The following BRD4 variants were observed in gnomAD, a reference collection of about 807,000 sequenced individuals.
The protein encoded by BRD4 is bromodomain containing 4.
A neutral mutation model predicts 142.1 loss-of-function variants in BRD4; 16 were observed. That is an observed-to-expected ratio of 0.11 (90% CI 0.08 to 0.17). The LOEUF (loss-of-function observed/expected upper bound fraction) is 0.17. BRD4 is among the 10% of genes least tolerant of loss of function. The probability of loss-of-function intolerance (pLI) is 1.00; values close to 1 mark genes in which losing one functional copy is unlikely to be tolerated. For synonymous variants in BRD4, 833 were observed against 707.5 expected (o/e 1.18, Z -2.82); for missense variants, 1,424 against 1,810.9 (o/e 0.79, Z 3.88).
chr19:15,251,584 T>C (rs761687438), intron 11 of BRD4, among the ~76,000 whole-genome samples: 1 of 151,992 alleles, frequency 6.6e-6, no homozygotes, highest in African/African-American at 2.4e-5. Flanking sequence ...GCTGCCGGGA[T>C]TCCTGGACCC....
At chr19:15,295,874 G>A (rs992655686) in intron 1 of BRD4, among the ~76,000 whole-genome samples, 1 of 152,234 alleles carries the variant, frequency 6.6e-6, no homozygotes, top group Non-Finnish European at 1.5e-5. Flanking sequence ...GGAAGACTGA[G>A]GCAGGAGAAC....
chr19:15,308,684 A>C (rs940227708), intron 1 of BRD4, among the ~76,000 whole-genome samples: 9 of 151,998 alleles, frequency 5.9e-5, no homozygotes, highest in African/African-American at 2.2e-4. Context: ...TAAATTTTTA[A>C]AAAGGGGGCA....
At chr19:15,300,818 C>A (rs1171854221) in intron 1 of BRD4, among the ~76,000 whole-genome samples, 3 of 152,164 alleles carry the variant, frequency 2.0e-5, no homozygotes, top group Admixed American at 1.3e-4. Flanking sequence ...CTAAAACTCT[C>A]ATCCACTGCT....
intron 1 of BRD4, among the ~76,000 whole-genome samples, chr19:15,316,013 G>A (rs1366369221): frequency 5.9e-5 from 9 of 151,484 alleles, no homozygotes; most frequent in East Asian, 3.9e-4. Context: ...AAAATTAGCC[G>A]GGCGTAGTGG....
At chr19:15,306,838 A>T (rs2047918292) in intron 1 of BRD4, among the ~76,000 whole-genome samples, 1 of 152,152 alleles carries the variant, frequency 6.6e-6, no homozygotes, top group Admixed American at 6.5e-5. Context: ...AAAATCACTG[A>T]TCACGAATCA....
intron 1 of BRD4, among the ~76,000 whole-genome samples, chr19:15,290,683 A>G (rs1226391805): frequency 2.6e-5 from 4 of 152,244 alleles, no homozygotes; most frequent in African/African-American, 9.6e-5. Context: ...TCTGCCTCAG[A>G]TGGTAAAGCT....
intron 1 of BRD4, among the ~76,000 whole-genome samples, chr19:15,302,032 T>C (rs1344801149): frequency 6.6e-6 from 1 of 151,736 alleles, no homozygotes; most frequent in African/African-American, 2.4e-5. Flanking sequence ...CTGGACATGG[T>C]GGCGCAGGCC....
chr19:15,261,087 CCT>C (rs537155925), intron 7 of BRD4, among the ~76,000 whole-genome samples: 4 of 152,338 alleles, frequency 2.6e-5, no homozygotes, highest in South Asian at 4.1e-4. Context: ...AAGCTGCGCC[CCT>C]GTCTTCTCAA....
intron 3 of BRD4, 138 bp downstream of exon 3, chr19:15,268,767 C>T (rs1393366512): frequency 2.1e-5 from 19 of 910,878 alleles, no homozygotes; most frequent in Non-Finnish European, 2.9e-5. Context: ...ATTACCTCTA[C>T]CTCCAAGGGT....
chr19:15,280,314 G>A (rs533279708), intron 1 of BRD4: 11 of 1,012,072 alleles, frequency 1.1e-5, no homozygotes, highest in Admixed American at 1.2e-4. Context: ...CATCCTACAC[G>A]GGTCTTTGGC....
At position 15,236,102 on chromosome 19, in the gene BRD4, T is replaced by G. The variant is rs1447214124; in HGVS notation, c.*2275A>C. ...CTGGCTGGATGCCTGAACCACACCC[T>G]CACAGGGAGGTTTGGCAGATCCAAA... On this transcript the variant is annotated 3_prime_UTR_variant, in exon 20 of 20. Coordinates refer to ENST00000679869, the MANE Select transcript of BRD4 (RefSeq NM_001379291.1). The G allele has an allele frequency of 1.3e-5, 2 of 152,160 alleles. No individual in the cohort carries two copies. The highest frequency in any genetic ancestry group is 2.9e-5 in the Non-Finnish European group (2 of 68,034). 9.4% of individuals were successfully genotyped at this position (152,160 alleles called of 1,614,324 possible).
At chr19:15,317,606 G>A (rs1050769826) in intron 1 of BRD4, among the ~76,000 whole-genome samples, 5 of 152,114 alleles carry the variant, frequency 3.3e-5, no homozygotes, top group Non-Finnish European at 7.3e-5. Flanking sequence ...GGGAGTGGGG[G>A]GTGGTGGGCA....
intron 1 of BRD4, among the ~76,000 whole-genome samples, chr19:15,312,060 G>T (rs1374470419): frequency 6.6e-6 from 1 of 152,192 alleles, no homozygotes; most frequent in Non-Finnish European, 1.5e-5. Context: ...TTTATGTTTT[G>T]AAACACATGC....
chr19:15,326,337 G>A (rs2048108129), intron 1 of BRD4, among the ~76,000 whole-genome samples: 1 of 151,452 alleles, frequency 6.6e-6, no homozygotes, highest in Non-Finnish European at 1.5e-5. Flanking sequence ...GGCAGCATGG[G>A]GCGCCTGTAG....
At chr19:15,325,800 A>G (rs1599533651) in intron 1 of BRD4, among the ~76,000 whole-genome samples, 2 of 151,912 alleles carry the variant, frequency 1.3e-5, no homozygotes, top group South Asian at 4.2e-4. Context: ...GGAGTTCCAG[A>G]CCAGCCTGAC....
At chr19:15,306,268 T>C (rs1174625078) in intron 1 of BRD4, among the ~76,000 whole-genome samples, 1 of 152,202 alleles carries the variant, frequency 6.6e-6, no homozygotes, top group African/African-American at 2.4e-5. Flanking sequence ...TCAAAATATG[T>C]TATTGGCCTT....
chr19:15,266,346 C>T (rs529575517), intron 4 of BRD4, among the ~76,000 whole-genome samples: 4 of 152,278 alleles, frequency 2.6e-5, no homozygotes, highest in African/African-American at 9.6e-5. Flanking sequence ...ACAAAGACAC[C>T]CAGTGCCTTC....
Position 15,254,274 on chromosome 19 carries a change from G to A in BRD4, c.2048-12C>T, listed in dbSNP as rs1285365749. The A allele has an allele frequency of 6.2e-7, 1 of 1,609,214 alleles. No homozygotes were observed. Among genetic ancestry groups the A allele is most frequent in the Non-Finnish European group, 8.5e-7 (1 of 1,175,616 alleles). On this transcript the variant is annotated splice_polypyrimidine_tract_variant and intron_variant, in intron 10 of 19. Transcript: ENST00000679869. ...ATCAACTTTCTCAGCTGCAATCCAAGCAATGGGAGCTGGTCAGGCAGGGCT... is the reference window on the plus strand; with the variant it reads ...ATCAACTTTCTCAGCTGCAATCCAAACAATGGGAGCTGGTCAGGCAGGGCT...
intron 1 of BRD4, among the ~76,000 whole-genome samples, chr19:15,321,751 T>A (rs2048063106): frequency 6.6e-6 from 1 of 152,142 alleles, no homozygotes; most frequent in African/African-American, 2.4e-5. Flanking sequence ...GAGAATAACA[T>A]CTGAGAATAA....
Sources: allele counts gnomAD v4.1 joint callset (sites outside exome capture counted in the v4.1 genomes callset), GRCh38; gene constraint gnomAD v4.1.1; transcripts MANE v1.5; gene names NCBI Gene and HGNC (gene_info 2026-07-23, HGNC 2026-07-21).